TJP2: variants seen among roughly 807,000 people sequenced by gnomAD.
TJP2 encodes the protein tight junction protein 2, also known as Friedreich ataxia region gene X104 (tight junction protein ZO-2).
A neutral mutation model predicts 133.1 loss-of-function variants in TJP2; 91 were observed. That is an observed-to-expected ratio of 0.68 (90% confidence interval 0.58 to 0.81). The LOEUF (loss-of-function observed/expected upper bound fraction) is 0.81, where lower values mean the gene tolerates loss of function less well. TJP2 is among the 40% of genes least tolerant of loss of function. The pLI, the probability that TJP2 is intolerant of heterozygous loss-of-function variation, is 0.00. For missense variants in TJP2, 1,541 were observed against 1,565.6 expected (o/e 0.98, Z 0.26); for synonymous variants, 592 against 583.4 (o/e 1.01, Z -0.21).
intron 1 of TJP2, among the ~76,000 whole-genome samples, chr9:69,140,634 C>G (rs547300610): frequency 4.5e-4 from 69 of 152,246 alleles, no homozygotes; most frequent in African/African-American, 1.6e-3. Context: ...TGATATTCCC[C>G]TCACCCAATG....
chr9:69,153,686 T>A (rs1298853049), intron 2 of TJP2, among the ~76,000 whole-genome samples: 1 of 152,230 alleles, frequency 6.6e-6, no homozygotes, highest in Non-Finnish European at 1.5e-5. Flanking sequence ...AAAGAGAGAT[T>A]GGAGCTAGCA....
At chr9:69,181,240 CTTTTTTTTTTTTT>C (rs149100552) in intron 1 of TJP2, among the ~76,000 whole-genome samples, 2 of 73,186 alleles carry the variant, frequency 2.7e-5, no homozygotes, top group Middle Eastern at 0.01. Flanking sequence ...TTTGCAATTT[CTTTTTTTTTTTTT>C]TTTTTTTTTT....
intron 1 of TJP2, chr9:69,204,741 G>C: frequency 1.2e-6 from 1 of 827,124 alleles, no homozygotes; most frequent in Non-Finnish European, 1.5e-6. Context: ...GCTGGCGTGT[G>C]TGTGTGTGTA....
At chr9:69,245,033 CTG>C (rs567523913) in intron 17 of TJP2, among the ~76,000 whole-genome samples, 9 of 152,258 alleles carry the variant, frequency 5.9e-5, no homozygotes, top group African/African-American at 2.2e-4. Context: ...CATTTTGTCT[CTG>C]GGGTACAAAA....
chr9:69,224,102 A>G (rs1563930126), intron 5 of TJP2, among the ~76,000 whole-genome samples: 2 of 152,256 alleles, frequency 1.3e-5, no homozygotes, highest in Admixed American at 6.5e-5. Flanking sequence ...ATTTAAAAAT[A>G]TGCATAACTT....
At chr9:69,135,481 C>T (rs1051319993) in intron 1 of TJP2, among the ~76,000 whole-genome samples, 49 of 152,254 alleles carry the variant, frequency 3.2e-4, no homozygotes, top group African/African-American at 1.1e-3. Context: ...CGCTCTGTCA[C>T]CCAGGCTGGA....
At chr9:69,196,608 T>A (rs1408793656) in intron 1 of TJP2, among the ~76,000 whole-genome samples, 8 of 151,982 alleles carry the variant, frequency 5.3e-5, no homozygotes, top group African/African-American at 1.7e-4. Context: ...ATCTTTTTTT[T>A]AAAAACAGCT....
At chr9:69,153,663 T>C (rs572258707) in intron 2 of TJP2, among the ~76,000 whole-genome samples, 1 of 152,360 alleles carries the variant, frequency 6.6e-6, no homozygotes, top group South Asian at 2.1e-4. Flanking sequence ...GGAGGGGTAC[T>C]ATAGAGTATG....
At position 69,237,008 on chromosome 9, in the gene TJP2, A is replaced by G. The variant is rs753617032; in HGVS notation, c.2051A>G (p.Asp684Gly). ...AQRDNAGDRA[D>G]FWRMRGQRSG... Reference sequence around the variant, plus strand: ...AGAGACAACGCTGGGGACCGGGCAGATTTCTGGAGAATGCGTGGCCAGAGG... The same window carrying G: ...AGAGACAACGCTGGGGACCGGGCAGGTTTCTGGAGAATGCGTGGCCAGAGG... Residue 684 changes from aspartate to glycine, a missense_variant, in exon 14 of 23, where the codon GAT becomes GGT. Physicochemically the swap from Asp to Gly is moderately conservative, Grantham distance 94 (BLOSUM62 -1). Coordinates refer to ENST00000377245, the MANE Select transcript of TJP2 (RefSeq NM_004817.4). 1.3e-5 allele frequency: 21 copies of G among 1,614,208 alleles called. No individual in the cohort carries two copies. Among genetic ancestry groups the G allele is most frequent in the Non-Finnish European group, 1.7e-5 (20 of 1,180,028 alleles).
At position 69,215,224 on chromosome 9, in the gene TJP2, G is replaced by A. The variant is rs184952949; in HGVS notation, c.115-1115G>A. On this transcript the variant is annotated intron_variant, in intron 2 of 22. Transcript: ENST00000377245. ...AAACTACTTCTTGGGTACTGTGTTC[G>A]GTACTTGAGTGACAGGATCATTAGA... 2.5e-3 allele frequency among the ~76,000 whole-genome samples: 373 copies of A among 152,162 alleles called. 3 individuals are homozygous for A. The highest frequency in any genetic ancestry group is 8.7e-3 in the African/African-American group (363 of 41,492).
chr9:69,160,377 A>T (rs1824005596), intron 2 of TJP2, among the ~76,000 whole-genome samples: 1 of 152,260 alleles, frequency 6.6e-6, no homozygotes, highest in South Asian at 2.1e-4. Flanking sequence ...TCTTGTGTTT[A>T]ACCTGGCCTT....
chr9:69,202,692 C>T (rs2133132033), intron 1 of TJP2, among the ~76,000 whole-genome samples: 1 of 152,226 alleles, frequency 6.6e-6, no homozygotes, highest in East Asian at 1.9e-4. Flanking sequence ...TCCTGATTGT[C>T]TTCATGTTGA....
At chr9:69,192,426 T>C (rs558600764) in intron 1 of TJP2, among the ~76,000 whole-genome samples, 5 of 152,310 alleles carry the variant, frequency 3.3e-5, no homozygotes, top group Admixed American at 1.3e-4. Context: ...GAACTACTTA[T>C]AAACTGGAGC....
At position 69,156,798 on chromosome 9, in the gene TJP2, C is replaced by T. The variant is rs1297749248; in HGVS notation, c.-10+5027C>T. Among the ~76,000 whole-genome samples the T allele has an allele frequency of 2.0e-5, 3 of 152,090 alleles. No individual in the cohort carries two copies. In the East Asian group the frequency reaches 5.8e-4, roughly 29 times the overall value. On this transcript the variant is annotated intron_variant, in intron 2 of 5. Transcript: ENST00000423935. Reference sequence around the variant, plus strand: ...CCTCCCAAAGTGCTGGGATTACAGGCGTGAGCCACCGCGCCCGGCCAATAC... The same window carrying T: ...CCTCCCAAAGTGCTGGGATTACAGGTGTGAGCCACCGCGCCCGGCCAATAC...
chr9:69,135,563 CCT>C (rs1368944392), intron 1 of TJP2, among the ~76,000 whole-genome samples: 1 of 152,038 alleles, frequency 6.6e-6, no homozygotes, highest in African/African-American at 2.4e-5. Flanking sequence ...GCCTCAGCCC[CCT>C]GAGTGGCTGG....
In TJP2 at chr9:69,196,944, TGTACACACACACAC is replaced by T. The variant is rs1353106461; in HGVS notation, c.61-15603_61-15590del. 1.8e-4 allele frequency among the ~76,000 whole-genome samples: 7 copies of T among 38,220 alleles called. No homozygotes were observed. The South Asian group carries it at 5.0e-3, about 27-fold the overall frequency. The allele number at this position is 38,220 out of a possible 152,430, so 25.1% of individuals were successfully genotyped here. ...ATATATATATGTGTGTGTGTGTGTG[TGTACACACACACAC>T]ACACACACACACACACACATGTTTT... On this transcript the variant is annotated intron_variant, in intron 1 of 22. Transcript: ENST00000377245.
Position 69,221,146 on chromosome 9 carries a change from T to G in TJP2, c.602T>G (p.Leu201Arg). ...LSRDRSRGRS[L>R]ERGLDQDHAR... ...CGGGACCGGAGCCGTGGCCGGAGCC[T>G]GGAGCGGGGCCTGGACCAAGACCAT... Residue 201 changes from leucine (L) to arginine (R), a missense_variant, in exon 5 of 23, where the codon CTG becomes CGG. Transcript: ENST00000377245. 6.3e-7 allele frequency: 1 copy of G among 1,593,576 alleles called. No individual in the cohort carries two copies. The highest frequency in any genetic ancestry group is 8.5e-7 in the Non-Finnish European group (1 of 1,170,416).
At chr9:69,219,126 C>T (rs1828614490) in intron 4 of TJP2, among the ~76,000 whole-genome samples, 1 of 152,058 alleles carries the variant, frequency 6.6e-6, no homozygotes, top group Non-Finnish European at 1.5e-5. Context: ...TGCACCACCA[C>T]ACCTGTCTAA....
Position 69,220,944 on chromosome 9 carries a change from G to C in TJP2, c.400G>C (p.Asp134His). 3.1e-6 allele frequency: 5 copies of C among 1,612,784 alleles called. No individual in the cohort carries two copies. The highest frequency in any genetic ancestry group is 4.2e-6 in the Non-Finnish European group (5 of 1,180,008). The stretch of plus-strand genomic sequence containing the variant: ...CGCACTTCAGGCCAGCCCTCCCCTG[G>C]ATCAGGATGACCGGGCTTTTGAGGT... ...VAALQASPPL[D>H]QDDRAFEVMD... Residue 134 changes from aspartate (D) to histidine (H), a missense_variant, in exon 5 of 23, where the codon GAT becomes CAT. Physicochemically the swap from Asp to His is moderately conservative, Grantham distance 81 (BLOSUM62 -1). Coordinates refer to ENST00000377245, the MANE Select transcript of TJP2 (RefSeq NM_004817.4).
Sources: gnomAD v4.1 joint callset for allele counts (sites outside exome capture counted in the v4.1 genomes callset) on GRCh38, gnomAD v4.1.1 for gene constraint, MANE v1.5 for transcripts, NCBI Gene and HGNC (gene_info 2026-07-23, HGNC 2026-07-21) for gene names.